LDLRAD4: variants seen among roughly 807,000 people sequenced by gnomAD.
The protein encoded by LDLRAD4 is low density lipoprotein receptor class A domain containing 4.
Under a neutral mutation model 17.0 loss-of-function variants are expected in LDLRAD4, and 5 were observed. The ratio of observed to expected loss-of-function variants is 0.29; its 90% confidence interval spans 0.15 to 0.62. LDLRAD4 has a LOEUF of 0.62. LDLRAD4 is among the 20% of genes least tolerant of loss of function. The pLI, the probability that LDLRAD4 is intolerant of heterozygous loss-of-function variation, is 0.84. For missense variants in LDLRAD4, 340 were observed against 424.7 expected, an observed-to-expected ratio of 0.80 and a Z score of 1.75; for synonymous variants, 168 against 171.8, an observed-to-expected ratio of 0.98 and a Z score of 0.17.
intron 1 of LDLRAD4, among the ~76,000 whole-genome samples, chr18:13,306,133 G>A (rs1477078714): frequency 6.6e-6 from 1 of 152,216 alleles, no homozygotes; most frequent in Non-Finnish European, 1.5e-5. Flanking sequence ...GCAGATGAAA[G>A]TGGTCTATTC....
intron 1 of LDLRAD4, among the ~76,000 whole-genome samples, chr18:13,361,876 G>C (rs1295637864): frequency 6.6e-6 from 1 of 152,118 alleles, no homozygotes; most frequent in Non-Finnish European, 1.5e-5. Flanking sequence ...GCTTGGATCT[G>C]TTTGCAATGG....
chr18:13,539,645 G>A (rs756458332), intron 3 of LDLRAD4, among the ~76,000 whole-genome samples: 21 of 152,182 alleles, frequency 1.4e-4, no homozygotes, highest in Non-Finnish European at 2.6e-4. Context: ...AATGGGAGAA[G>A]CAAATGAAGT....
Position 13,622,214 on chromosome 18 carries a change from G to A in LDLRAD4, c.336+943G>A, listed in dbSNP as rs997134943. 6.6e-6 allele frequency among the ~76,000 whole-genome samples: 1 copy of A among 152,108 alleles called. No individual in the cohort carries two copies. The highest frequency in any genetic ancestry group is 1.5e-5 in the Non-Finnish European group (1 of 68,010). The stretch of plus-strand genomic sequence containing the variant: ...GTGCAGCTGTCCAGGTGGGTTTCCT[G>A]GGGTGGCCGCTGGCCCTGGGACCCC... On this transcript the variant is annotated intron_variant, in intron 4 of 5. Transcript: ENST00000359446. This position sits in a 1 kb window ranked among gnomAD's most constrained non-coding sequence, Gnocchi z 5.3.
At chr18:13,238,798 G>A (rs2042468345) in intron 1 of LDLRAD4, among the ~76,000 whole-genome samples, 1 of 152,170 alleles carries the variant, frequency 6.6e-6, no homozygotes, top group African/African-American at 2.4e-5. Context: ...ATAATGTCAC[G>A]TTCCCAGGGA....
intron 2 of LDLRAD4, among the ~76,000 whole-genome samples, chr18:13,415,539 C>A (rs569150529): frequency 6.6e-6 from 1 of 152,148 alleles, no homozygotes; most frequent in Non-Finnish European, 1.5e-5. Context: ...AGACTTGTCT[C>A]CCCGGTGGTT....
intron 1 of LDLRAD4, chr18:13,382,643 G>A (rs1015139978): frequency 6.6e-6 from 1 of 152,048 alleles, no homozygotes; most frequent in Admixed American, 6.6e-5. Flanking sequence ...GTGTGCGTGT[G>A]TGCATGTGTG....
intron 2 of LDLRAD4, among the ~76,000 whole-genome samples, chr18:13,411,842 A>G (rs1052705270): frequency 6.6e-6 from 1 of 151,960 alleles, no homozygotes; most frequent in Admixed American, 6.6e-5. Flanking sequence ...TCTGCACCCA[A>G]GTTCTTTTTT....
intron 1 of LDLRAD4, among the ~76,000 whole-genome samples, chr18:13,351,558 A>C (rs958225509): frequency 2.0e-5 from 3 of 152,090 alleles, no homozygotes; most frequent in Non-Finnish European, 2.9e-5. Context: ...TAAATATAGA[A>C]TCATGTTGTC....
intron 2 of LDLRAD4, among the ~76,000 whole-genome samples, chr18:13,399,607 C>G (rs891007350): frequency 2.6e-5 from 4 of 152,202 alleles, no homozygotes; most frequent in Non-Finnish European, 5.9e-5. Flanking sequence ...CAAATATTTG[C>G]TAACTCTGAG....
intron 2 of LDLRAD4, among the ~76,000 whole-genome samples, chr18:13,429,954 G>T (rs541786242): frequency 1.3e-5 from 2 of 152,206 alleles, no homozygotes; most frequent in African/African-American, 4.8e-5. Context: ...CTGGAAGGAG[G>T]CCGGTATCCT....
intron 3 of LDLRAD4, among the ~76,000 whole-genome samples, chr18:13,553,248 T>C (rs1197824648): frequency 2.0e-5 from 3 of 152,208 alleles, no homozygotes; most frequent in African/African-American, 7.2e-5. Flanking sequence ...GTTTGGTACA[T>C]GTTGAAAATA....
rs907253828 is a variant in LDLRAD4 at position 13,326,136 on chromosome 18, T to C, written c.-383+47948T>C. On this transcript the variant is annotated intron_variant, in intron 1 of 5. Transcript: ENST00000359446. Reference sequence around the variant, plus strand: ...TGAGTGACTGAGGCAGAGGTCTCAATTGTTGACGTTTATTAAGCCAGCTTT... The same window carrying C: ...TGAGTGACTGAGGCAGAGGTCTCAACTGTTGACGTTTATTAAGCCAGCTTT... 2.6e-5 allele frequency among the ~76,000 whole-genome samples: 4 copies of C among 152,124 alleles called. No individual in the cohort carries two copies. The East Asian group carries it at 5.8e-4, about 22-fold the overall frequency.
intron 2 of LDLRAD4, among the ~76,000 whole-genome samples, chr18:13,421,719 T>G (rs993354271): frequency 1.3e-5 from 2 of 152,216 alleles, no homozygotes; most frequent in African/African-American, 2.4e-5. Context: ...GCCCTGTTGT[T>G]TCCCTAAGTG....
At chr18:13,454,033 C>T (rs1204812831) in intron 3 of LDLRAD4, among the ~76,000 whole-genome samples, 1 of 152,276 alleles carries the variant, frequency 6.6e-6, no homozygotes, top group East Asian at 1.9e-4. Flanking sequence ...GCCGTGCACA[C>T]CCAGCTTCTC....
intron 1 of LDLRAD4, among the ~76,000 whole-genome samples, chr18:13,257,610 G>C (rs2043577208): frequency 6.6e-6 from 1 of 152,188 alleles, no homozygotes; most frequent in African/African-American, 2.4e-5. Flanking sequence ...TGATCATATA[G>C]GGGATGATTT....
At chr18:13,263,996 AT>A (rs1439284979) in intron 1 of LDLRAD4, among the ~76,000 whole-genome samples, 2 of 152,180 alleles carry the variant, frequency 1.3e-5, no homozygotes, top group Non-Finnish European at 2.9e-5. Flanking sequence ...AAAAAAAAGA[AT>A]TTTGGATGAA....
intron 2 of LDLRAD4, among the ~76,000 whole-genome samples, chr18:13,425,073 C>T (rs908357117): frequency 1.3e-5 from 2 of 152,166 alleles, no homozygotes; most frequent in Non-Finnish European, 2.9e-5. Flanking sequence ...TTCTGGGACC[C>T]AGGGAAATAA....
intron 1 of LDLRAD4, among the ~76,000 whole-genome samples, chr18:13,271,496 T>C (rs1458360243): frequency 6.6e-6 from 1 of 152,220 alleles, no homozygotes; most frequent in East Asian, 1.9e-4. Flanking sequence ...AGATCTTAGC[T>C]ACCAATGAAG....
At chr18:13,421,415 T>A (rs969327059) in intron 2 of LDLRAD4, among the ~76,000 whole-genome samples, 1 of 152,122 alleles carries the variant, frequency 6.6e-6, no homozygotes, top group Admixed American at 6.5e-5. Flanking sequence ...GAGGTGAGCA[T>A]GCAGGGTGGC....
Sources: gnomAD v4.1 joint callset for allele counts (sites outside exome capture counted in the v4.1 genomes callset) on GRCh38, gnomAD v4.1.1 for gene constraint, Gnocchi (gnomAD v3.1) non-coding constraint, MANE v1.5 for transcripts, NCBI Gene and HGNC (gene_info 2026-07-23, HGNC 2026-07-21) for gene names.